Variants in CXCL5 observed in about 807,000 individuals in gnomAD.
CXCL5 encodes C-X-C motif chemokine 5.
CXCL5 carries 13 observed loss-of-function variants against 12.1 expected under a neutral mutation model. That is an observed-to-expected ratio of 1.08 (90% CI 0.70 to 1.71). The LOEUF is 1.71. Ranked by LOEUF, CXCL5 falls within the 40% of genes most tolerant of loss-of-function variation. The pLI is 0.00. For synonymous variants in CXCL5, 67 were observed against 59.0 expected (o/e 1.14, Z -0.62); for missense variants, 159 against 142.4 (o/e 1.12, Z -0.59).
Position 73,997,998 on chromosome 4 carries a change from A to C in CXCL5, c.326+14T>G. On this transcript the variant is annotated intron_variant, in intron 3 of 3. Coordinates refer to ENST00000296027, the MANE Select transcript of CXCL5 (RefSeq NM_002994.5). ...ATCAGATTTAGAAACCACAAAGATC[A>C]AAGTGACAAGTACCCGTCCAAAATT... 6.2e-7 allele frequency: 1 copy of C among 1,608,510 alleles called. No individual in the cohort carries two copies. The highest frequency in any genetic ancestry group is 8.5e-7 in the Non-Finnish European group (1 of 1,175,018).
rs1328330537 is a variant in CXCL5, at chr4:73,998,644, G to GGAGGAGCGAAGATTGGAGGAT, written c.-84_-64dup. ...TGAACTGGGTGGAGGAGCGGAGATT[G>GGAGGAGCGAAGATTGGAGGAT]GAGGAGCGAAGATTGGAGGATCCGG... On this transcript the variant is annotated 5_prime_UTR_variant, in exon 1 of 4. Coordinates refer to ENST00000296027, the MANE Select transcript of CXCL5 (RefSeq NM_002994.5). The GGAGGAGCGAAGATTGGAGGAT allele has an allele frequency of 2.1e-6, 3 of 1,423,028 alleles. No individual in the cohort carries two copies. Among genetic ancestry groups the GGAGGAGCGAAGATTGGAGGAT allele is most frequent in the Admixed American group, 2.0e-5 (1 of 50,426 alleles). The allele number at this position is 1,423,028 out of a possible 1,614,324, so 88.2% of individuals were successfully genotyped here.
intron 3 of CXCL5, 97 bp from the exon 4 acceptor site, chr4:73,997,752 G>C: frequency 9.6e-7 from 1 of 1,041,430 alleles, no homozygotes; most frequent in Middle Eastern, 2.1e-4. Context: ...TGGTAAAAAA[G>C]GAGAATACAA....
chr4:73,998,163 T>C (rs2109819761), intron 2 of CXCL5, 43 bp downstream of exon 2: 7 of 1,613,946 alleles, frequency 4.3e-6, no homozygotes, highest in Non-Finnish European at 5.1e-6. Flanking sequence ...GCGGGATTTC[T>C]CTCTTGCCAA....
In CXCL5 at chr4:73,995,797, A is replaced by G. The variant is rs1281389528; in HGVS notation, c.*1840T>C. On this transcript the variant is annotated 3_prime_UTR_variant, in exon 4 of 4. Transcript: ENST00000296027. ...GGTCAAAACCTTTAAAAGATACACA[A>G]TAGGCATCTAAAAAGCTCAGCAATG... 1 of 149,400 alleles carries G rather than the reference A, an allele frequency of 6.7e-6. No homozygotes were observed. Among genetic ancestry groups the G allele is most frequent in the Non-Finnish European group, 1.5e-5 (1 of 67,450 alleles). 9.3% of individuals were successfully genotyped at this position (149,400 alleles called of 1,614,324 possible). A position where few individuals can be genotyped will look rare whatever the true frequency, so the allele number is the denominator to read the frequency against.
At chr4:73,998,126 G>A (rs1462274090) in intron 2 of CXCL5, 31 bp from the exon 3 acceptor site, 2 of 1,613,760 alleles carry the variant, frequency 1.2e-6, no homozygotes, top group East Asian at 4.5e-5. Flanking sequence ...ATACACTCAT[G>A]AGATACCAAG....
Position 73,998,066 on chromosome 4 carries a change from C to A in CXCL5, c.272G>T (p.Cys91Phe), listed in dbSNP as rs1232369390. Residue 91 changes from cysteine to phenylalanine, a missense_variant, in exon 3 of 4, where the codon TGT (cysteine) becomes TTT (phenylalanine). Transcript: ENST00000296027. ...TAGAAAAGGGGCTTCTGGATCAAGA[C>A]AAATTTCCTTCCCGTTCTTCAGGGA... ...VASLKNGKEICLDPEAPFLKK... is the reference protein window; with the variant it reads ...VASLKNGKEIFLDPEAPFLKK... The A allele has an allele frequency of 1.2e-6, 2 of 1,613,924 alleles. No individual in the cohort carries two copies. The highest frequency in any genetic ancestry group is 1.7e-6 in the Non-Finnish European group (2 of 1,180,028).
At position 73,998,596 on chromosome 4, in the gene CXCL5, C is replaced by T; in HGVS notation, c.-15G>A. 1.9e-6 allele frequency: 3 copies of T among 1,567,116 alleles called. No homozygotes were observed. Among genetic ancestry groups the T allele is most frequent in the African/African-American group, 1.4e-5 (1 of 73,660 alleles). On this transcript the variant is annotated 5_prime_UTR_variant, in exon 1 of 4. Coordinates refer to ENST00000296027, the MANE Select transcript of CXCL5 (RefSeq NM_002994.5). ...AGGAGGCTCATAGTGGTCAAGAGAG[C>T]GCTGCGAGCGGTCGCGGGTTCCTGA...
chr4:73,998,279 C>T lies in CXCL5; in HGVS notation c.169G>A (p.Gly57Arg), dbSNP rs563521523. Residue 57 changes from glycine to arginine, a missense_variant, in exon 2 of 4, where the codon GGA (glycine) becomes AGA (arginine). By Grantham distance (125) the Gly-to-Arg change is moderately radical. Transcript: ENST00000296027. ...LRCVCLQTTQ[G>R]VHPKMISNLQ... is the part of the protein sequence containing the mutation. ...TTACTGATCATTTTGGGATGAACTCCTTGCGTGGTCTGTAAACAAACGCAA... is the reference window on the plus strand; with the variant it reads ...TTACTGATCATTTTGGGATGAACTCTTTGCGTGGTCTGTAAACAAACGCAA... 10 of 1,614,176 alleles carry T rather than the reference C, an allele frequency of 6.2e-6. No homozygotes were observed. The highest frequency in any genetic ancestry group is 5.3e-5 in the African/African-American group (4 of 75,048).
intron 3 of CXCL5, 68 bp downstream of exon 3, chr4:73,997,944 A>G (rs536772191): frequency 4.3e-4 from 547 of 1,284,004 alleles, no homozygotes; most frequent in Non-Finnish European, 7.6e-5. Context: ...CAGAGAATAA[A>G]GACCTTGTGA....
At position 73,998,306 on chromosome 4, in the gene CXCL5, G is replaced by C. The variant is rs779413033; in HGVS notation, c.142C>G (p.Arg48Gly). ...GPAAAVLREL[R>G]CVCLQTTQGV... ...TGCGTGGTCTGTAAACAAACGCAAC[G>C]CAGCTCTCTCAACACAGCAGCGGCA... Residue 48 changes from arginine (R) to glycine (G), a missense_variant, in exon 2 of 4, where the codon CGT (arginine) becomes GGT (glycine). Transcript: ENST00000296027. 4 of 1,614,212 alleles carry C rather than the reference G, an allele frequency of 2.5e-6. No homozygotes were observed. In the East Asian group the frequency reaches 8.9e-5, roughly 36 times the overall value.
At chr4:73,997,860 AG>A in intron 3 of CXCL5, 151 bp downstream of exon 3, 1 of 843,774 alleles carries the variant, frequency 1.2e-6, no homozygotes, top group Non-Finnish European at 1.9e-6. Flanking sequence ...ATATTTTCCC[AG>A]GACAATCCAG....
rs1719245206 is a variant in CXCL5 at position 73,998,342 on chromosome 4, G to C, written c.110-4C>G. On this transcript the variant is annotated splice_polypyrimidine_tract_variant and splice_region_variant and intron_variant, in intron 1 of 3. Transcript: ENST00000296027. Reference sequence around the variant, plus strand: ...AACACAGCAGCGGCAGGACCAGCTGGGGAAGAAAGAGAGACACCCTTTATA... The same window carrying C: ...AACACAGCAGCGGCAGGACCAGCTGCGGAAGAAAGAGAGACACCCTTTATA... 1.9e-6 allele frequency: 3 copies of C among 1,613,960 alleles called. No individual in the cohort carries two copies. The highest frequency in any genetic ancestry group is 1.7e-6 in the Non-Finnish European group (2 of 1,180,036).
chr4:73,998,360 C>G (rs142384343), intron 1 of CXCL5, 22 bp from the exon 2 acceptor site: 1 of 1,613,558 alleles, frequency 6.2e-7, no homozygotes, highest in Non-Finnish European at 8.5e-7. Flanking sequence ...AGAGAGACAC[C>G]CTTTATAGGG....
At chr4:73,997,744 G>T in intron 3 of CXCL5, 89 bp from the exon 4 acceptor site, 2 of 1,097,134 alleles carry the variant, frequency 1.8e-6, no homozygotes, top group Non-Finnish European at 2.7e-6. Flanking sequence ...ATGATGTTTG[G>T]TAAAAAAGGA....
Position 73,996,867 on chromosome 4 carries a change from C to T in CXCL5, c.*770G>A, listed in dbSNP as rs1719205706. 1.3e-5 allele frequency: 2 copies of T among 151,960 alleles called. No homozygotes were observed. 9.4% of individuals were successfully genotyped at this position (151,960 alleles called of 1,614,324 possible). On this transcript the variant is annotated 3_prime_UTR_variant, in exon 4 of 4. Coordinates refer to ENST00000296027, the MANE Select transcript of CXCL5 (RefSeq NM_002994.5). The stretch of plus-strand genomic sequence containing the variant: ...CTATCTAAAATATATATTTAGCTAC[C>T]AGAATTATGGTACTCCTAATAAAAT...
Position 73,997,473 on chromosome 4 carries a change from A to C in CXCL5, c.*164T>G, listed in dbSNP as rs200074987. The C allele has an allele frequency of 3.2e-6, 2 of 627,564 alleles. No homozygotes were observed. The highest frequency in any genetic ancestry group is 5.6e-6 in the Non-Finnish European group (2 of 357,164). The allele number at this position is 627,564 out of a possible 1,614,324, so 38.9% of individuals were successfully genotyped here. On this transcript the variant is annotated 3_prime_UTR_variant, in exon 4 of 4. Coordinates refer to ENST00000296027, the MANE Select transcript of CXCL5 (RefSeq NM_002994.5). ...AGCGGCAAACATAGGTTTTCCTCAC[A>C]CTCTTCAAAGTGAGGAATCCAGGAA...
At position 73,996,340 on chromosome 4, in the gene CXCL5, A is replaced by G. The variant is rs1391241358; in HGVS notation, c.*1297T>C. On this transcript the variant is annotated 3_prime_UTR_variant, in exon 4 of 4. Coordinates refer to ENST00000296027, the MANE Select transcript of CXCL5 (RefSeq NM_002994.5). ...TCCCAGTGAAATGAACTGTGCTAAA[A>G]ACCCGACAGGCATCTTCCCTGCCCT... 6.6e-6 allele frequency: 1 copy of G among 152,624 alleles called. No homozygotes were observed. Among genetic ancestry groups the G allele is most frequent in the Non-Finnish European group, 1.5e-5 (1 of 68,042 alleles). The allele number at this position is 152,624 out of a possible 1,614,324, so 9.5% of individuals were successfully genotyped here.
chr4:73,998,437 G>A (rs1247032221), intron 1 of CXCL5, 36 bp downstream of exon 1: 2 of 1,606,504 alleles, frequency 1.2e-6, no homozygotes, highest in South Asian at 1.1e-5. Flanking sequence ...CTCTGTGCCC[G>A]AGTGCGAGTG....
chr4:73,998,092 G>A lies in CXCL5; in HGVS notation c.246C>T (p.Ala82=), dbSNP rs970576965. ...GPQCSKVEVV[A]SLKNGKEICL... is the part of the protein sequence containing the mutation. ...AAATTTCCTTCCCGTTCTTCAGGGA[G>A]GCTCTGAAGGAAAGAAAAAGAAGAT... The change falls in exon 3 of 4, where the codon GCC becomes GCT. Residue 82 remains alanine, a synonymous_variant. Coordinates refer to ENST00000296027, the MANE Select transcript of CXCL5 (RefSeq NM_002994.5). 2 of 1,613,390 alleles carry A rather than the reference G, an allele frequency of 1.2e-6. No individual in the cohort carries two copies. The highest frequency in any genetic ancestry group is 2.7e-5 in the African/African-American group (2 of 74,784).
Sources: allele counts gnomAD v4.1 joint callset, GRCh38; gene constraint gnomAD v4.1.1; transcripts MANE v1.5; gene names NCBI Gene and HGNC (gene_info 2026-07-23, HGNC 2026-07-21).